Variants in PPARGC1A observed in about 807,000 individuals in gnomAD.
PPARGC1A encodes the protein PPARG coactivator 1 alpha.
A neutral mutation model predicts 88.7 loss-of-function variants in PPARGC1A; 25 were observed. The ratio of observed to expected loss-of-function variants is 0.28; its 90% CI spans 0.21 to 0.39. The LOEUF (loss-of-function observed/expected upper bound fraction) is 0.39. Ranked by LOEUF, PPARGC1A falls within the 10% of genes least tolerant of loss-of-function variation. The pLI is 1.00. For synonymous variants in PPARGC1A, 363 were observed against 355.6 expected, an observed-to-expected ratio of 1.02 and a Z score of -0.24; for missense variants, 880 against 968.7, an observed-to-expected ratio of 0.91 and a Z score of 1.22.
At chr4:24,157,298 T>C in the PPARGC1A span, among the ~76,000 whole-genome samples, 1 of 152,204 alleles carries the variant, frequency 6.6e-6, no homozygotes, top group Non-Finnish European at 1.5e-5. Flanking sequence ...TCTTTAATCC[T>C]TTGTTTATTT....
the PPARGC1A span, among the ~76,000 whole-genome samples, chr4:24,415,464 G>T: frequency 2.0e-5 from 3 of 152,296 alleles, no homozygotes; most frequent in South Asian, 6.2e-4. Flanking sequence ...AAGTAGCAGA[G>T]GCCAAAGGTT....
At chr4:24,283,803 C>G in the PPARGC1A span, among the ~76,000 whole-genome samples, 47,106 of 151,990 alleles carry the variant, frequency 0.31, 7,573 homozygotes, top group South Asian at 0.41. Flanking sequence ...TCTGTACACA[C>G]AGAAAAGGGA....
the PPARGC1A span, among the ~76,000 whole-genome samples, chr4:24,152,394 G>T: frequency 6.6e-6 from 1 of 152,166 alleles, no homozygotes; most frequent in East Asian, 1.9e-4. Flanking sequence ...ACACCAAGAT[G>T]TAAGCCAACA....
the PPARGC1A span, among the ~76,000 whole-genome samples, chr4:24,307,156 T>A: frequency 1.3e-5 from 2 of 152,168 alleles, no homozygotes; most frequent in South Asian, 4.1e-4. Context: ...GCTATGACTA[T>A]AATCACTAGC....
chr4:23,808,017 C>A (rs1383998500), intron 10 of PPARGC1A, among the ~76,000 whole-genome samples: 1 of 151,866 alleles, frequency 6.6e-6, no homozygotes, highest in African/African-American at 2.4e-5. Flanking sequence ...TTTGGGAGGC[C>A]GAGGTGGGCA....
the PPARGC1A span, among the ~76,000 whole-genome samples, chr4:24,407,120 A>G: frequency 6.2e-4 from 95 of 152,312 alleles, 1 homozygote; most frequent in African/African-American, 2.2e-3. Flanking sequence ...GGAGGCCTCC[A>G]AAGTCTTCAC....
the PPARGC1A span, among the ~76,000 whole-genome samples, chr4:24,154,472 G>GA: frequency 6.6e-6 from 1 of 152,180 alleles, no homozygotes; most frequent in African/African-American, 2.4e-5. Flanking sequence ...GAAAACATAG[G>GA]AAAAAATGCT....
At chr4:24,130,032 A>G in the PPARGC1A span, among the ~76,000 whole-genome samples, 1 of 152,182 alleles carries the variant, frequency 6.6e-6, no homozygotes. Context: ...CAGCATTTGG[A>G]GATATACCTA....
intron 2 of PPARGC1A, among the ~76,000 whole-genome samples, chr4:23,844,706 AAT>A (rs1491341242): frequency 9.9e-6 from 1 of 101,114 alleles, no homozygotes; most frequent in African/African-American, 4.2e-5. Flanking sequence ...GATCTATCAT[AAT>A]ATATGATATA....
At chr4:24,196,511 A>ACAAAG in the PPARGC1A span, among the ~76,000 whole-genome samples, 1 of 152,232 alleles carries the variant, frequency 6.6e-6, no homozygotes, top group Admixed American at 6.5e-5. Context: ...AATGATCTTT[A>ACAAAG]CAAAGCAAAG....
chr4:23,945,241 T>A, the PPARGC1A span, among the ~76,000 whole-genome samples: 868 of 152,306 alleles, frequency 5.7e-3, 45 homozygotes, highest in East Asian at 0.092. Flanking sequence ...TCAATTATTT[T>A]AAATTTATTT....
At chr4:24,296,896 C>T in the PPARGC1A span, among the ~76,000 whole-genome samples, 1 of 152,266 alleles carries the variant, frequency 6.6e-6, no homozygotes, top group South Asian at 2.1e-4. Context: ...AAGTATATCT[C>T]CTCCTATCTC....
the PPARGC1A span, among the ~76,000 whole-genome samples, chr4:23,910,683 C>A: frequency 1.3e-5 from 2 of 151,414 alleles, no homozygotes; most frequent in Non-Finnish European, 2.9e-5. Context: ...CATGATCCAC[C>A]TGCCTCAGCC....
chr4:23,955,652 T>C, the PPARGC1A span, among the ~76,000 whole-genome samples: 1 of 152,106 alleles, frequency 6.6e-6, no homozygotes, highest in Non-Finnish European at 1.5e-5. Context: ...TTATTAACTA[T>C]TGAGTAACAA....
At chr4:23,837,401 AAAG>A (rs1490940018) in intron 2 of PPARGC1A, among the ~76,000 whole-genome samples, 1 of 152,022 alleles carries the variant, frequency 6.6e-6, no homozygotes, top group East Asian at 1.9e-4. Flanking sequence ...AAAAAAAAAA[AAAG>A]AGTTGACAAA....
chr4:24,446,706 C>T, the PPARGC1A span, among the ~76,000 whole-genome samples: 1 of 151,430 alleles, frequency 6.6e-6, no homozygotes, highest in Admixed American at 6.6e-5. Flanking sequence ...AAGCAATTCT[C>T]CTGCCTCAGC....
the PPARGC1A span, among the ~76,000 whole-genome samples, chr4:24,331,397 A>T: frequency 6.6e-6 from 1 of 151,982 alleles, no homozygotes; most frequent in Non-Finnish European, 1.5e-5. Context: ...ACGCCTCCCC[A>T]CCCCTAGTCA....
At chr4:23,961,185 A>C in the PPARGC1A span, among the ~76,000 whole-genome samples, 1 of 152,136 alleles carries the variant, frequency 6.6e-6, no homozygotes, top group East Asian at 1.9e-4. Flanking sequence ...TTTCCATGAA[A>C]GTTCTGCCAC....
At chr4:24,321,247 A>C in the PPARGC1A span, among the ~76,000 whole-genome samples, 3 of 152,226 alleles carry the variant, frequency 2.0e-5, no homozygotes, top group Non-Finnish European at 4.4e-5. Context: ...GTCACCCAAC[A>C]CCTGGCTTTT....
Sources: allele counts gnomAD v4.1 joint callset (sites outside exome capture counted in the v4.1 genomes callset), GRCh38; gene constraint gnomAD v4.1.1; transcripts MANE v1.5; gene names NCBI Gene and HGNC (gene_info 2026-07-23, HGNC 2026-07-21).